Variants in RAPGEF4 observed in about 807,000 individuals in gnomAD.
The protein encoded by RAPGEF4 is RAP guanine-nucleotide-exchange factor (GEF) 4.
In RAPGEF4, 66 loss-of-function variants were observed where a neutral mutation model predicts 147.9. The observed-to-expected ratio is 0.45, with a 90% confidence interval of 0.37 to 0.55. The LOEUF (loss-of-function observed/expected upper bound fraction) is 0.55, where lower values mean the gene tolerates loss of function less well. RAPGEF4 is among the 20% of genes least tolerant of loss of function. The pLI is 0.00. For synonymous variants in RAPGEF4, 419 were observed against 442.7 expected (o/e 0.95, Z 0.67); for missense variants, 1,071 against 1,257.3 (o/e 0.85, Z 2.24).
rs544853455 is a variant in RAPGEF4, at chr2:172,794,253, G to A, written c.66-772G>A. 6.3e-3 allele frequency among the ~76,000 whole-genome samples: 949 copies of A among 149,834 alleles called. 2 individuals are homozygous for A. The highest frequency in any genetic ancestry group is 0.011 in the Non-Finnish European group (726 of 67,728). ...AATTAGTTGGATGTAGTAGCGGGCGGCTGTATTCGCTTGAACCCAGGAGGC... is the reference window on the plus strand; with the variant it reads ...AATTAGTTGGATGTAGTAGCGGGCGACTGTATTCGCTTGAACCCAGGAGGC... On this transcript the variant is annotated intron_variant, in intron 1 of 30. Coordinates refer to ENST00000397081, the MANE Select transcript of RAPGEF4 (RefSeq NM_007023.4).
chr2:172,991,248 C>T (rs969521001), intron 15 of RAPGEF4, among the ~76,000 whole-genome samples: 1 of 152,194 alleles, frequency 6.6e-6, no homozygotes, highest in Non-Finnish European at 1.5e-5. Flanking sequence ...TGCCAGGCAG[C>T]TCAAAGGATA....
intron 10 of RAPGEF4, among the ~76,000 whole-genome samples, chr2:172,980,694 G>A (rs1444473754): frequency 7.9e-5 from 12 of 152,184 alleles, no homozygotes; most frequent in Admixed American, 7.9e-4. Flanking sequence ...TCAAAGGTCA[G>A]CCTTGAACCA....
At chr2:172,891,399 C>T (rs778091957) in intron 4 of RAPGEF4, among the ~76,000 whole-genome samples, 1 of 152,174 alleles carries the variant, frequency 6.6e-6, no homozygotes, top group Non-Finnish European at 1.5e-5. Context: ...GTATATTTGT[C>T]TCCTTTTCCT....
chr2:172,869,176 A>T (rs1487915917), intron 4 of RAPGEF4, among the ~76,000 whole-genome samples: 1 of 152,192 alleles, frequency 6.6e-6, no homozygotes, highest in Non-Finnish European at 1.5e-5. Flanking sequence ...ACTAACCCTT[A>T]CTTCATGGAG....
chr2:172,829,106 G>A (rs1349903666), intron 4 of RAPGEF4, among the ~76,000 whole-genome samples: 1 of 152,196 alleles, frequency 6.6e-6, no homozygotes, highest in Admixed American at 6.5e-5. Flanking sequence ...ACGAAGGCCT[G>A]GGGCTGAGAG....
intron 4 of RAPGEF4, among the ~76,000 whole-genome samples, chr2:172,870,853 T>C (rs551668980): frequency 6.6e-6 from 1 of 152,374 alleles, no homozygotes; most frequent in African/African-American, 2.4e-5. Context: ...TGGATTTTGC[T>C]AGGAGAATCA....
intron 1 of RAPGEF4, among the ~76,000 whole-genome samples, chr2:172,781,489 C>G (rs866159199): frequency 6.6e-6 from 1 of 152,278 alleles, no homozygotes; most frequent in South Asian, 2.1e-4. Context: ...AGGCTGGTCT[C>G]TAACTCCTGG....
chr2:172,778,059 G>A (rs1381297647), intron 1 of RAPGEF4, among the ~76,000 whole-genome samples: 2 of 152,172 alleles, frequency 1.3e-5, no homozygotes, highest in Non-Finnish European at 2.9e-5. Context: ...CCAGTCTAAA[G>A]CATCAGATGT....
chr2:172,836,966 G>C (rs2113805), intron 4 of RAPGEF4, among the ~76,000 whole-genome samples: 1 of 152,198 alleles, frequency 6.6e-6, no homozygotes, highest in African/African-American at 2.4e-5. Context: ...GATAGACCTA[G>C]GTATGTGCTA....
chr2:172,979,592 G>A (rs1559159665), intron 10 of RAPGEF4, among the ~76,000 whole-genome samples: 2 of 152,164 alleles, frequency 1.3e-5, no homozygotes, highest in African/African-American at 4.8e-5. Flanking sequence ...CCAATCTAGT[G>A]CCTTTGCACT....
chr2:173,007,759 A>G (rs1400996579), intron 17 of RAPGEF4, among the ~76,000 whole-genome samples: 1 of 152,206 alleles, frequency 6.6e-6, no homozygotes, highest in Non-Finnish European at 1.5e-5. Context: ...TGAACATGCC[A>G]TATGAAGGAA....
intron 4 of RAPGEF4, among the ~76,000 whole-genome samples, chr2:172,851,722 ACTTATAAGTGGGAG>A (rs1422446971): frequency 1.3e-5 from 2 of 152,312 alleles, no homozygotes; most frequent in East Asian, 3.9e-4. Context: ...CCATGTTCTC[ACTTATAAGTGGGAG>A]CTAAACAATG....
chr2:172,956,470 T>C lies in RAPGEF4; in HGVS notation c.538-4290T>C, dbSNP rs1449567751. 6.4e-5 allele frequency among the ~76,000 whole-genome samples: 7 copies of C among 109,810 alleles called. No individual in the cohort carries two copies. In the East Asian group the frequency reaches 1.8e-3, roughly 29 times the overall value. The allele number at this position is 109,810 out of a possible 152,430, so 72.0% of individuals were successfully genotyped here. A position where few individuals can be genotyped will look rare whatever the true frequency, so the allele number is the denominator to read the frequency against. On this transcript the variant is annotated intron_variant, in intron 6 of 30. Coordinates refer to ENST00000397081, the MANE Select transcript of RAPGEF4 (RefSeq NM_007023.4). ...TGTTTTATTGTTACAAAGTTTCTTT[T>C]TCTTTTTTTTTTTTTTTGAGATGGA... is the stretch of plus-strand genomic sequence containing the variant.
intron 1 of RAPGEF4, among the ~76,000 whole-genome samples, chr2:172,774,702 G>A (rs1004237227): frequency 6.6e-6 from 1 of 152,098 alleles, no homozygotes; most frequent in Non-Finnish European, 1.5e-5. Context: ...ATCTTTTATA[G>A]ACCCATATGA....
chr2:172,832,944 G>A (rs531383869), intron 4 of RAPGEF4, among the ~76,000 whole-genome samples: 100 of 152,318 alleles, frequency 6.6e-4, no homozygotes, highest in African/African-American at 2.1e-3. Flanking sequence ...AGTTGGGCGC[G>A]GTGGCTCACG....
intron 4 of RAPGEF4, among the ~76,000 whole-genome samples, chr2:172,887,788 CCTCTGCCTAAAAGCCA>C (rs1430687229): frequency 2.6e-5 from 4 of 152,040 alleles, no homozygotes; most frequent in African/African-American, 9.7e-5. Context: ...CATACTGTTC[CCTCTGCCTAAAAGCCA>C]CTCTCCCCTT....
intron 4 of RAPGEF4, among the ~76,000 whole-genome samples, chr2:172,914,288 G>A (rs561245708): frequency 1.1e-3 from 170 of 149,822 alleles, no homozygotes; most frequent in African/African-American, 3.9e-3. Flanking sequence ...CCCTCTGAGG[G>A]AGGTTCCTAG....
At chr2:173,029,015 A>G (rs961779470) in intron 25 of RAPGEF4, among the ~76,000 whole-genome samples, 6 of 152,210 alleles carry the variant, frequency 3.9e-5, no homozygotes, top group Admixed American at 6.5e-5. Context: ...TCAAGATCAC[A>G]TAAAGGACAG....
intron 23 of RAPGEF4, among the ~76,000 whole-genome samples, chr2:173,022,350 G>A (rs116080498): frequency 1.3e-5 from 2 of 152,320 alleles, no homozygotes; most frequent in African/African-American, 2.4e-5. Flanking sequence ...GGCCTCTGTC[G>A]TTGGAAGGAA....
Sources: allele counts gnomAD v4.1 joint callset (sites outside exome capture counted in the v4.1 genomes callset), GRCh38; gene constraint gnomAD v4.1.1; transcripts MANE v1.5; gene names NCBI Gene and HGNC (gene_info 2026-07-23, HGNC 2026-07-21).